Variants in DNPEP observed in about 807,000 individuals in gnomAD.
DNPEP encodes the protein aspartyl aminopeptidase.
In DNPEP, 46 loss-of-function variants were observed where a neutral mutation model predicts 59.1. The observed-to-expected ratio is 0.78, with a 90% CI of 0.61 to 0.99. The LOEUF (loss-of-function observed/expected upper bound fraction) is 0.99, where lower values mean the gene tolerates loss of function less well. Ranked by LOEUF, DNPEP falls within the 50% of genes least tolerant of loss-of-function variation. The probability of loss-of-function intolerance (pLI) is 0.00; values close to 1 mark genes in which losing one functional copy is unlikely to be tolerated. For synonymous variants in DNPEP, 229 were observed against 242.2 expected (o/e 0.95, Z 0.50); for missense variants, 617 against 649.9 (o/e 0.95, Z 0.55).
At chr2:219,380,298 G>A (rs1490672374) in intron 13 of DNPEP, among the ~76,000 whole-genome samples, 3 of 147,010 alleles carry the variant, frequency 2.0e-5, no homozygotes, top group African/African-American at 7.5e-5. Flanking sequence ...TCACTGCAAC[G>A]TCCACCTCCC....
At position 219,375,026 on chromosome 2, in the gene DNPEP, G is replaced by A; in HGVS notation, c.1240-4C>T. On this transcript the variant is annotated splice_polypyrimidine_tract_variant and splice_region_variant and intron_variant, in intron 13 of 14. Transcript: ENST00000273075. ...TGTCATTCCGGACCATGAGATCCTAGGGAGAGCAGGAGACCCATGAGCAAC... is the reference window on the plus strand; with the variant it reads ...TGTCATTCCGGACCATGAGATCCTAAGGAGAGCAGGAGACCCATGAGCAAC... 1 of 1,613,930 alleles carries A rather than the reference G, an allele frequency of 6.2e-7. No individual in the cohort carries two copies. The highest frequency in any genetic ancestry group is 8.5e-7 in the Non-Finnish European group (1 of 1,179,928).
At chr2:219,395,205 C>T (rs1316116579) in intron 1 of DNPEP, among the ~76,000 whole-genome samples, 7 of 152,196 alleles carry the variant, frequency 4.6e-5, no homozygotes, top group Non-Finnish European at 1.0e-4. Flanking sequence ...TCCTCAGCCT[C>T]CCGAAGTGCT....
Position 219,374,153 on chromosome 2 carries a change from C to T in DNPEP, c.*139G>A, listed in dbSNP as rs1574965832. 3.5e-6 allele frequency: 3 copies of T among 847,174 alleles called. No individual in the cohort carries two copies. Among genetic ancestry groups the T allele is most frequent in the East Asian group, 2.5e-5 (1 of 39,526 alleles). The allele number at this position is 847,174 out of a possible 1,614,324, so 52.5% of individuals were successfully genotyped here. A position where few individuals can be genotyped will look rare whatever the true frequency, so the allele number is the denominator to read the frequency against. On this transcript the variant is annotated 3_prime_UTR_variant, in exon 15 of 15. Transcript: ENST00000273075. ...TTCCAAAGGTTCAAGCCAGGCTCAA[C>T]TCCCACTCCTCTAGTCTCCAAATAA...
At chr2:219,386,453 A>G (rs762590096) in intron 4 of DNPEP, 42 bp from the exon 5 acceptor site, 8 of 1,612,944 alleles carry the variant, frequency 5.0e-6, no homozygotes, top group Middle Eastern at 1.7e-4. Context: ...CTTCATGACG[A>G]TATGTGGAGA....
Position 219,385,462 on chromosome 2 carries a change from C to T in DNPEP, c.736G>A (p.Val246Met). ...AHLGLSPKDIVEMELCLADTQ... is the reference protein window; with the variant it reads ...AHLGLSPKDIMEMELCLADTQ... ...TCTGCAAGGCAGAGCTCCATCTCCA[C>T]TATGTCCTTGGGGCTCAGCCCCAGA... Residue 246 changes from valine (V) to methionine (M), a missense_variant, in exon 8 of 15, where the codon GTG (valine) becomes ATG (methionine). Coordinates refer to ENST00000273075, the MANE Select transcript of DNPEP (RefSeq NM_012100.4). 6.2e-7 allele frequency: 1 copy of T among 1,610,332 alleles called. No homozygotes were observed. The highest frequency in any genetic ancestry group is 8.5e-7 in the Non-Finnish European group (1 of 1,176,854).
chr2:219,387,988 C>A, upstream of DNPEP: 2 of 1,261,130 alleles, frequency 1.6e-6, no homozygotes, highest in Non-Finnish European at 2.0e-6. Flanking sequence ...GCCCCGCCCA[C>A]CTCGGTCAGC....
upstream of DNPEP, chr2:219,393,873 C>T (rs182632398): frequency 3.9e-5 from 6 of 152,312 alleles, no homozygotes; most frequent in East Asian, 1.2e-3. Context: ...CATCTGTGCT[C>T]CTATCCAAGG....
At chr2:219,390,102 G>C (rs1953991724), upstream of DNPEP, among the ~76,000 whole-genome samples, 2 of 152,178 alleles carry the variant, frequency 1.3e-5, no homozygotes, top group South Asian at 4.1e-4. Flanking sequence ...GGGAGTGGTG[G>C]CTCACGCCTG....
In DNPEP at chr2:219,399,565, C is replaced by T. The variant is rs1954152039; in HGVS notation, c.-158+375G>A. ...CACTAATCTAAATTATCAAAAAACA[C>T]TTGTGCCGATGGGTGGGCTGCCCTT... On this transcript the variant is annotated intron_variant, in intron 1 of 6. Transcript: ENST00000434339. 4.1e-5 allele frequency: 24 copies of T among 585,706 alleles called. 2 individuals are homozygous for T. Among genetic ancestry groups the T allele is most frequent in the South Asian group, 3.5e-4 (23 of 65,556 alleles). The allele number at this position is 585,706 out of a possible 1,614,324, so 36.3% of individuals were successfully genotyped here. A position where few individuals can be genotyped will look rare whatever the true frequency, so the allele number is the denominator to read the frequency against.
At chr2:219,396,693 C>A (rs1954102499) in intron 1 of DNPEP, among the ~76,000 whole-genome samples, 1 of 152,106 alleles carries the variant, frequency 6.6e-6, no homozygotes. Context: ...ACTGAGTTTC[C>A]TGTATTTTCA....
chr2:219,374,003 G>T lies in DNPEP; in HGVS notation c.*289C>A. Reference sequence around the variant, plus strand: ...GTGGGAGAAGTGACCTTCTGCTTGAGGATCCAGTCCACCCTTCACCCACTT... The same window carrying T: ...GTGGGAGAAGTGACCTTCTGCTTGATGATCCAGTCCACCCTTCACCCACTT... On this transcript the variant is annotated 3_prime_UTR_variant, in exon 15 of 15. Coordinates refer to ENST00000273075, the MANE Select transcript of DNPEP (RefSeq NM_012100.4). 1 of 392,514 alleles carries T rather than the reference G, an allele frequency of 2.5e-6. No individual in the cohort carries two copies. The allele number at this position is 392,514 out of a possible 1,614,324, so 24.3% of individuals were successfully genotyped here.
rs142661484 is a variant in DNPEP, at chr2:219,375,664, C to T, written c.1240-642G>A. ...GCAACCTCTGCCTCCTGGGTTCAAG[C>T]GATTCTCCTGTCTCAGCCTCCCAAG... On this transcript the variant is annotated intron_variant, in intron 13 of 14. Transcript: ENST00000273075. Among the ~76,000 whole-genome samples, 1,301 of 152,220 alleles carry T rather than the reference C, an allele frequency of 8.5e-3. 4 individuals are homozygous for T. The highest frequency in any genetic ancestry group is 0.01 in the African/African-American group (420 of 41,544).
intron 1 of DNPEP, among the ~76,000 whole-genome samples, chr2:219,397,653 T>C (rs900496779): frequency 2.6e-5 from 4 of 152,202 alleles, no homozygotes; most frequent in Non-Finnish European, 4.4e-5. Context: ...ATATCTGGGC[T>C]GGGGGTATGT....
At chr2:219,393,802 G>A (rs1184505559), upstream of DNPEP, 1 of 152,114 alleles carries the variant, frequency 6.6e-6, no homozygotes, top group Non-Finnish European at 1.5e-5. Flanking sequence ...AAGCTGCCAC[G>A]CCTAGGCTCC....
rs568017325 is a variant in DNPEP at position 219,387,838 on chromosome 2, G to A, written c.-44C>T. On this transcript the variant is annotated 5_prime_UTR_variant, in exon 1 of 15. Transcript: ENST00000273075. ...CCGCCCCCACCGCGCCGCCTGCCCC[G>A]CCCCTCACTAGCTTTGCAGGTCCCC... is the stretch of plus-strand genomic sequence containing the variant. The A allele has an allele frequency of 9.5e-4, 974 of 1,028,194 alleles. 17 individuals carry two copies. In the South Asian group the frequency reaches 0.012, roughly 12 times the overall value. The allele number at this position is 1,028,194 out of a possible 1,614,324, so 63.7% of individuals were successfully genotyped here. A position where few individuals can be genotyped will look rare whatever the true frequency, so the allele number is the denominator to read the frequency against.
Position 219,380,660 on chromosome 2 carries a change from G to C in DNPEP, c.1239+675C>G, listed in dbSNP as rs535828434. Among the ~76,000 whole-genome samples the C allele has an allele frequency of 7.9e-5, 12 of 152,218 alleles. No individual in the cohort carries two copies. In the South Asian group the frequency reaches 2.5e-3, roughly 32 times the overall value. On this transcript the variant is annotated intron_variant, in intron 13 of 14. Coordinates refer to ENST00000273075, the MANE Select transcript of DNPEP (RefSeq NM_012100.4). ...ACACAACCTAGGTGTGCAGCAGGCT[G>C]TCCGTCTAGGTTTGTGTACATATAC...
At chr2:219,388,613 G>A (rs975806420), upstream of DNPEP, 2 of 835,188 alleles carry the variant, frequency 2.4e-6, no homozygotes, top group Non-Finnish European at 1.4e-6. Context: ...GCCCTCTGCT[G>A]CCGCGGAGGT....
chr2:219,381,884 A>G, intron 11 of DNPEP, 95 bp downstream of exon 11: 2 of 1,457,200 alleles, frequency 1.4e-6, no homozygotes, highest in Non-Finnish European at 1.9e-6. Flanking sequence ...AAGAAGGGAG[A>G]AAGGAAGAGG....
Position 219,399,955 on chromosome 2 carries a change from G to T in DNPEP, c.-173C>A, listed in dbSNP as rs910434603. On this transcript the variant is annotated 5_prime_UTR_variant, in exon 1 of 7. Transcript: ENST00000434339. ...ACCTGCTCACCTCCTCCCAAGGCTG[G>T]AGTGGACAGGCCTGAACCGTGTGCC... 5 of 1,539,962 alleles carry T rather than the reference G, an allele frequency of 3.2e-6. No individual in the cohort carries two copies. In the African/African-American group the frequency reaches 5.5e-5, roughly 17 times the overall value.
Sources: allele counts gnomAD v4.1 joint callset (sites outside exome capture counted in the v4.1 genomes callset), GRCh38; gene constraint gnomAD v4.1.1; transcripts MANE v1.5; gene names NCBI Gene and HGNC (gene_info 2026-07-23, HGNC 2026-07-21).